The following WWP1 variants were observed in gnomAD, a reference collection of about 807,000 sequenced individuals.
WWP1 encodes the protein WW domain containing E3 ubiquitin protein ligase 1.
WWP1 carries 49 observed loss-of-function variants against 130.6 expected under a neutral mutation model. The ratio of observed to expected loss-of-function variants is 0.38; its 90% CI spans 0.30 to 0.48. The LOEUF is 0.48. Among genes scored for constraint, WWP1 ranks in the 20% least tolerant of loss-of-function variants. WWP1 has a pLI of 0.99. For synonymous variants in WWP1, 332 were observed against 367.8 expected (o/e 0.90, Z 1.11); for missense variants, 809 against 1,100.6 (o/e 0.74, Z 3.75).
Position 86,380,860 on chromosome 8 carries a change from A to G in WWP1, c.205A>G (p.Thr69Ala). ...SSNPKWDEQL[T>A]VNVTPQTTLE... ...TAATCCAAAATGGGATGAACAGCTAACTGTGTAAGTACCTTGTGTAAAGGA... is the reference window on the plus strand; with the variant it reads ...TAATCCAAAATGGGATGAACAGCTAGCTGTGTAAGTACCTTGTGTAAAGGA... Residue 69 changes from threonine to alanine, a missense_variant, in exon 4 of 25, where the codon ACT becomes GCT. Around this residue, in one of 3 missense-constraint regions of WWP1, gnomAD observed 262 missense variants for 346.0 expected, o/e 0.76. Coordinates refer to ENST00000517970, the MANE Select transcript of WWP1 (RefSeq NM_007013.4). 6.2e-7 allele frequency: 1 copy of G among 1,611,086 alleles called. No homozygotes were observed. The highest frequency in any genetic ancestry group is 2.2e-5 in the East Asian group (1 of 44,702).
Position 86,467,080 on chromosome 8 carries a change from T to C in WWP1, c.*187T>C, listed in dbSNP as rs559110007. Reference sequence around the variant, plus strand: ...CTTTTCTACTTTATTTATTGTTCCCTTGAAATGACTGACCAGGAAAAAGAT... The same window carrying C: ...CTTTTCTACTTTATTTATTGTTCCCCTGAAATGACTGACCAGGAAAAAGAT... On this transcript the variant is annotated 3_prime_UTR_variant, in exon 25 of 25. Coordinates refer to ENST00000517970, the MANE Select transcript of WWP1 (RefSeq NM_007013.4). The C allele has an allele frequency of 1.1e-4, 51 of 476,540 alleles. No individual in the cohort carries two copies. The South Asian group carries it at 1.5e-3, about 14-fold the overall frequency. 29.5% of individuals were successfully genotyped at this position (476,540 alleles called of 1,614,324 possible).
chr8:86,454,945 T>C (rs970615275), intron 21 of WWP1, among the ~76,000 whole-genome samples: 2 of 152,054 alleles, frequency 1.3e-5, no homozygotes, highest in African/African-American at 4.8e-5. Context: ...ATACAGATTT[T>C]GTCTTGTTTT....
At chr8:86,422,094 T>G (rs1403978004) in intron 9 of WWP1, among the ~76,000 whole-genome samples, 1 of 152,006 alleles carries the variant, frequency 6.6e-6, no homozygotes. Context: ...GAAAAGTACT[T>G]TCCTTCAAAA....
chr8:86,398,440 G>A lies in WWP1; in HGVS notation c.433G>A (p.Glu145Lys). Residue 145 changes from glutamate to lysine, a missense_variant, in exon 6 of 25, where the codon GAG (glutamate) becomes AAG (lysine). Glu to Lys is a moderately conservative substitution (Grantham distance 56, BLOSUM62 1). This residue lies in a region of WWP1 where 262 missense variants were observed against 346.0 expected (regional missense o/e 0.76). Coordinates refer to ENST00000517970, the MANE Select transcript of WWP1 (RefSeq NM_007013.4). ...AGTTGTGCTTGATGGATTGGTGATT[G>A]AGCAAGAAAATATAACAAACTGCAG... The part of the protein sequence containing the change: ...LTVVLDGLVI[E>K]QENITNCSSS... The A allele has an allele frequency of 6.2e-7, 1 of 1,612,840 alleles. No homozygotes were observed.
At chr8:86,379,277 G>A (rs758940344) in intron 3 of WWP1, among the ~76,000 whole-genome samples, 2 of 152,154 alleles carry the variant, frequency 1.3e-5, no homozygotes, top group African/African-American at 2.4e-5. Context: ...CCTGGTAGTA[G>A]CAGTTCAGAC....
At position 86,380,735 on chromosome 8, in the gene WWP1, C is replaced by A; in HGVS notation, c.80C>A (p.Ala27Asp). 6.2e-7 allele frequency: 1 copy of A among 1,607,966 alleles called. No homozygotes were observed. The highest frequency in any genetic ancestry group is 1.1e-5 in the South Asian group (1 of 89,672). The change falls in exon 4 of 25, where the codon GCC becomes GAC. Residue 27 changes from alanine (A) to aspartate (D), a missense_variant. Ala to Asp is a moderately radical substitution (Grantham distance 126). This residue lies in a region of WWP1 where 262 missense variants were observed against 346.0 expected (regional missense o/e 0.76). Coordinates refer to ENST00000517970, the MANE Select transcript of WWP1 (RefSeq NM_007013.4). ...RLQLQVTVSS[A>D]KLKRKKNWFG... ...ATTATTTGTCTGTTAGTTTCTAGTG[C>A]CAAACTTAAAAGAAAAAAGAACTGG...
intron 2 of WWP1, among the ~76,000 whole-genome samples, chr8:86,369,467 A>G (rs1385969061): frequency 6.6e-6 from 1 of 152,174 alleles, no homozygotes; most frequent in Non-Finnish European, 1.5e-5. Context: ...GAAAGGGTTT[A>G]TATAGAATAA....
intron 8 of WWP1, 116 bp from the exon 9 acceptor site, chr8:86,411,422 A>G (rs1808576703): frequency 6.6e-6 from 5 of 758,942 alleles, no homozygotes; most frequent in Non-Finnish European, 1.0e-5. Context: ...CTGTTTGGAG[A>G]ATGGATTGTA....
chr8:86,416,520 G>A (rs1443533582), intron 9 of WWP1, among the ~76,000 whole-genome samples: 3 of 151,518 alleles, frequency 2.0e-5, no homozygotes, highest in East Asian at 1.9e-4. Flanking sequence ...TTGCCCAGTC[G>A]TTCACCAAAT....
rs34999529 is a variant in WWP1, at chr8:86,436,951, A to ATT, written c.1749+1258_1749+1259dup. 1.6e-3 allele frequency among the ~76,000 whole-genome samples: 238 copies of ATT among 149,332 alleles called. 5 individuals carry two copies. Among genetic ancestry groups the ATT allele is most frequent in the Non-Finnish European group, 2.2e-3 (148 of 67,154 alleles). On this transcript the variant is annotated intron_variant, in intron 16 of 24. Transcript: ENST00000517970. ...TGATACTTAAACTATTATCAAGTTG[A>ATT]TTTTTTTTTTTTGAGTTAATAAATT...
chr8:86,402,940 G>A (rs1808078013), intron 8 of WWP1, among the ~76,000 whole-genome samples: 2 of 152,162 alleles, frequency 1.3e-5, no homozygotes, highest in East Asian at 3.9e-4. Flanking sequence ...TGTACTGCGA[G>A]TTGAATAGCT....
At chr8:86,347,862 C>T (rs1219736242) in intron 1 of WWP1, among the ~76,000 whole-genome samples, 4 of 151,920 alleles carry the variant, frequency 2.6e-5, no homozygotes, top group South Asian at 2.1e-4. Flanking sequence ...GATTGGGTAT[C>T]CCTAATTCAA....
intron 9 of WWP1, among the ~76,000 whole-genome samples, chr8:86,423,811 G>A (rs1292958630): frequency 7.0e-6 from 1 of 142,932 alleles, no homozygotes; most frequent in Admixed American, 6.9e-5. Context: ...GGGCAGAGGC[G>A]CCCCCCCCCC....
chr8:86,421,360 G>A (rs1383941686), intron 9 of WWP1, among the ~76,000 whole-genome samples: 2 of 152,066 alleles, frequency 1.3e-5, no homozygotes, highest in Non-Finnish European at 2.9e-5. Context: ...TAAATTTTTT[G>A]TGTGCATTTG....
At chr8:86,432,161 C>G (rs1810013250) in intron 14 of WWP1, among the ~76,000 whole-genome samples, 1 of 152,184 alleles carries the variant, frequency 6.6e-6, no homozygotes, top group South Asian at 2.1e-4. Flanking sequence ...TGCCACATCA[C>G]ACTGCTGCAA....
In WWP1 at chr8:86,411,832, G is replaced by T; in HGVS notation, c.1019G>T (p.Arg340Leu). The T allele has an allele frequency of 6.2e-7, 1 of 1,612,838 alleles. No homozygotes were observed. Among genetic ancestry groups the T allele is most frequent in the South Asian group, 1.1e-5 (1 of 91,014 alleles). The stretch of plus-strand genomic sequence containing the variant: ...CCAGATGGGTGTATGGATCCTGTAC[G>T]GCAGCAGTCTGGGAATGCCAACACA... ...RQPDGCMDPV[R>L]QQSGNANTET... The change falls in exon 9 of 25, where the codon CGG becomes CTG. Residue 340 changes from arginine (R) to leucine (L), a missense_variant. This residue lies in a region of WWP1 where 97 missense variants were observed against 80.4 expected (regional missense o/e 1.21). Coordinates refer to ENST00000517970, the MANE Select transcript of WWP1 (RefSeq NM_007013.4).
chr8:86,359,922 G>A (rs1318430320), intron 1 of WWP1, among the ~76,000 whole-genome samples: 2 of 151,838 alleles, frequency 1.3e-5, no homozygotes, highest in Admixed American at 1.3e-4. Context: ...GGTGGCGGGC[G>A]CCTGTAGTCC....
chr8:86,435,669 T>A lies in WWP1; in HGVS notation c.1714T>A (p.Ser572Thr), dbSNP rs1187498032. The change falls in exon 16 of 25, where the codon TCC becomes ACC. Residue 572 changes from serine (S) to threonine (T), a missense_variant. Coordinates refer to ENST00000517970, the MANE Select transcript of WWP1 (RefSeq NM_007013.4). ...ACCTAGTCATGTAAAGATCAATGTG[T>A]CCCGGCAGACATTGTTTGAAGATTC... ...ALPSHVKINV[S>T]RQTLFEDSFQ... is the part of the protein sequence containing the mutation. 6.2e-7 allele frequency: 1 copy of A among 1,612,712 alleles called. No homozygotes were observed. Among genetic ancestry groups the A allele is most frequent in the Non-Finnish European group, 8.5e-7 (1 of 1,179,870 alleles).
chr8:86,401,928 C>T, intron 7 of WWP1, 91 bp from the exon 8 acceptor site: 1 of 1,242,160 alleles, frequency 8.1e-7, no homozygotes, highest in Admixed American at 2.9e-5. Context: ...AAAAAAGAAA[C>T]TTAAGAGAAT....
Sources: allele counts gnomAD v4.1 joint callset (sites outside exome capture counted in the v4.1 genomes callset), GRCh38; gene constraint gnomAD v4.1.1; regional missense constraint gnomAD v4.1.1; transcripts MANE v1.5; gene names NCBI Gene and HGNC (gene_info 2026-07-23, HGNC 2026-07-21).